Variants in CACNA2D3 observed in about 807,000 individuals in gnomAD.
CACNA2D3 encodes the protein voltage-dependent calcium channel subunit alpha-2/delta-3.
A neutral mutation model predicts 160.6 loss-of-function variants in CACNA2D3; 60 were observed. The observed-to-expected ratio is 0.37, with a 90% CI of 0.30 to 0.46. The LOEUF (loss-of-function observed/expected upper bound fraction) is 0.46, where lower values mean the gene tolerates loss of function less well. Among genes scored for constraint, CACNA2D3 ranks in the 20% least tolerant of loss-of-function variants. The pLI is 1.00. For synonymous variants in CACNA2D3, 558 were observed against 492.9 expected (o/e 1.13, Z -1.75); for missense variants, 1,205 against 1,365.0 (o/e 0.88, Z 1.85).
intron 4 of CACNA2D3, among the ~76,000 whole-genome samples, chr3:54,474,367 G>A (rs1700790701): frequency 1.3e-5 from 2 of 152,018 alleles, no homozygotes; most frequent in Non-Finnish European, 2.9e-5. Flanking sequence ...ATGGACACAG[G>A]GAGGGGAACA....
chr3:54,972,831 G>A (rs1702304955), intron 29 of CACNA2D3, among the ~76,000 whole-genome samples: 1 of 152,142 alleles, frequency 6.6e-6, no homozygotes, highest in African/African-American at 2.4e-5. Flanking sequence ...CACCCAGGGT[G>A]AATGTTAACT....
At chr3:54,898,134 TTTC>T (rs1559621748) in intron 26 of CACNA2D3, among the ~76,000 whole-genome samples, 2 of 135,826 alleles carry the variant, frequency 1.5e-5, no homozygotes, top group African/African-American at 5.8e-5. Flanking sequence ...TCTTTTTCTT[TTTC>T]TTTTTTCTTT....
At chr3:54,415,335 A>G (rs1177775482) in intron 4 of CACNA2D3, among the ~76,000 whole-genome samples, 1 of 152,174 alleles carries the variant, frequency 6.6e-6, no homozygotes, top group Non-Finnish European at 1.5e-5. Flanking sequence ...TAAACCTTGA[A>G]TCTGGTGGCA....
chr3:54,724,651 A>G (rs1338289822), intron 11 of CACNA2D3, among the ~76,000 whole-genome samples: 1 of 152,220 alleles, frequency 6.6e-6, no homozygotes, highest in African/African-American at 2.4e-5. Flanking sequence ...GAAACTGAAC[A>G]GCCTGCTCCT....
intron 27 of CACNA2D3, among the ~76,000 whole-genome samples, chr3:54,908,458 G>A (rs1700491173): frequency 6.6e-6 from 1 of 152,218 alleles, no homozygotes; most frequent in African/African-American, 2.4e-5. Context: ...GCTCATGCCT[G>A]TAATCCCAAT....
intron 25 of CACNA2D3, among the ~76,000 whole-genome samples, chr3:54,892,615 T>C (rs564864480): frequency 6.6e-5 from 10 of 152,264 alleles, no homozygotes; most frequent in African/African-American, 1.9e-4. Flanking sequence ...TAAGCGTTTT[T>C]CCCCCAGACA....
At chr3:54,775,567 C>T (rs1341493676) in intron 13 of CACNA2D3, among the ~76,000 whole-genome samples, 3 of 152,166 alleles carry the variant, frequency 2.0e-5, no homozygotes, top group Non-Finnish European at 2.9e-5. Flanking sequence ...GCTGTGGATT[C>T]TCTGTTGTAC....
intron 3 of CACNA2D3, among the ~76,000 whole-genome samples, chr3:54,323,464 TTTTC>T (rs1411369474): frequency 3.1e-5 from 3 of 98,120 alleles, no homozygotes; most frequent in African/African-American, 9.0e-5. Flanking sequence ...TTTCTTTTTC[TTTTC>T]TTTTTTTTTT....
intron 4 of CACNA2D3, among the ~76,000 whole-genome samples, chr3:54,446,896 G>A (rs1025988270): frequency 2.6e-5 from 4 of 152,154 alleles, no homozygotes; most frequent in African/African-American, 9.7e-5. Flanking sequence ...CCAAGTGAGT[G>A]TCTCTGAACT....
At chr3:54,240,778 G>C (rs1353578468) in intron 2 of CACNA2D3, among the ~76,000 whole-genome samples, 1 of 152,100 alleles carries the variant, frequency 6.6e-6, no homozygotes, top group Non-Finnish European at 1.5e-5. Flanking sequence ...CTGTCTCCCA[G>C]TCTGGAGTGC....
rs867544302 is a variant in CACNA2D3 at position 54,788,294 on chromosome 3, A to C, written c.1380+23943A>C. Among the ~76,000 whole-genome samples, 49 of 152,268 alleles carry C rather than the reference A, an allele frequency of 3.2e-4. No individual in the cohort carries two copies. In the South Asian group the frequency reaches 4.8e-3, roughly 15 times the overall value. The stretch of plus-strand genomic sequence containing the variant: ...CTCAATATAGCCTGTTGAGGTGAAC[A>C]TGTTTGGCTGATTTTCTTAACTGGT... On this transcript the variant is annotated intron_variant, in intron 13 of 37. Transcript: ENST00000474759.
At chr3:54,136,848 T>C (rs1275031910) in intron 2 of CACNA2D3, among the ~76,000 whole-genome samples, 2 of 152,232 alleles carry the variant, frequency 1.3e-5, no homozygotes. Context: ...AGCCCCAGAA[T>C]CTGCATGTGA....
chr3:54,454,809 C>CT (rs750575365), intron 4 of CACNA2D3, among the ~76,000 whole-genome samples: 2 of 152,226 alleles, frequency 1.3e-5, no homozygotes, highest in East Asian at 1.9e-4. Context: ...ATGGGATCAA[C>CT]TTTTTTAGCT....
At chr3:54,940,535 C>T (rs1359092687) in intron 27 of CACNA2D3, among the ~76,000 whole-genome samples, 4 of 152,142 alleles carry the variant, frequency 2.6e-5, no homozygotes, top group Non-Finnish European at 5.9e-5. Flanking sequence ...ACTCTGACAC[C>T]AGTCCGTAAA....
At chr3:54,312,050 T>C (rs1703754145) in intron 2 of CACNA2D3, among the ~76,000 whole-genome samples, 2 of 152,196 alleles carry the variant, frequency 1.3e-5, no homozygotes, top group Admixed American at 6.5e-5. Flanking sequence ...ATCTCTGGGT[T>C]ACTATCCCAG....
chr3:54,469,850 A>G (rs1418160915), intron 4 of CACNA2D3, among the ~76,000 whole-genome samples: 3 of 152,086 alleles, frequency 2.0e-5, no homozygotes, highest in African/African-American at 4.8e-5. Flanking sequence ...GATCAACTTA[A>G]TGAGATAAAG....
chr3:54,255,898 G>T (rs769998640), intron 2 of CACNA2D3, among the ~76,000 whole-genome samples: 3 of 151,986 alleles, frequency 2.0e-5, no homozygotes, highest in Non-Finnish European at 2.9e-5. Flanking sequence ...TATAGAAATG[G>T]ATACATGAGG....
chr3:54,654,402 G>C (rs1161831515), intron 11 of CACNA2D3, among the ~76,000 whole-genome samples: 1 of 152,154 alleles, frequency 6.6e-6, no homozygotes, highest in Non-Finnish European at 1.5e-5. Context: ...AGGAATCAGG[G>C]ACAGGCATCT....
chr3:54,633,635 C>T (rs1699295471), intron 10 of CACNA2D3: 1 of 152,176 alleles, frequency 6.6e-6, no homozygotes, highest in African/African-American at 2.4e-5. Flanking sequence ...ACACAAACTT[C>T]TATGGCTCCA....
Sources: gnomAD v4.1 joint callset for allele counts (sites outside exome capture counted in the v4.1 genomes callset) on GRCh38, gnomAD v4.1.1 for gene constraint, MANE v1.5 for transcripts, NCBI Gene and HGNC (gene_info 2026-07-23, HGNC 2026-07-21) for gene names.